The following CFAP61 variants were observed in gnomAD, a reference collection of about 807,000 sequenced individuals.
The protein encoded by CFAP61 is cilia- and flagella-associated protein 61.
In CFAP61, 107 loss-of-function variants were observed where a neutral mutation model predicts 135.6. The ratio of observed to expected loss-of-function variants is 0.79; its 90% CI spans 0.67 to 0.93. The LOEUF (loss-of-function observed/expected upper bound fraction) is 0.93. CFAP61 is among the 40% of genes least tolerant of loss of function. CFAP61 has a pLI of 0.00. For missense variants in CFAP61, 1,507 were observed against 1,556.2 expected, an observed-to-expected ratio of 0.97 and a Z score of 0.53; for synonymous variants, 575 against 578.5, an observed-to-expected ratio of 0.99 and a Z score of 0.09.
chr20:20,079,898 G>T (rs2146589379), intron 6 of CFAP61, among the ~76,000 whole-genome samples: 1 of 152,210 alleles, frequency 6.6e-6, no homozygotes, highest in African/African-American at 2.4e-5. Flanking sequence ...TTTATAAAGT[G>T]TCTCTTGTTA....
Position 20,072,091 on chromosome 20 carries a change from CTTTTTTTTTTTTTTTTTTTTTTTT to C in CFAP61, c.294+1105_294+1128del, listed in dbSNP as rs71198039. On this transcript the variant is annotated intron_variant, in intron 3 of 26. Transcript: ENST00000245957. ...CCTATTTGGTATCTAATCTAGCAAT[CTTTTTTTTTTTTTTTTTTTTTTTT>C]TTTTTTTTTTTTTTTTTGAGATGGA... 8.7e-4 allele frequency among the ~76,000 whole-genome samples: 50 copies of C among 57,606 alleles called. 1 individual carries two copies. The highest frequency in any genetic ancestry group is 4.9e-3 in the Admixed American group (19 of 3,900). The allele number at this position is 57,606 out of a possible 152,430, so 37.8% of individuals were successfully genotyped here.
intron 20 of CFAP61, among the ~76,000 whole-genome samples, chr20:20,257,266 A>G (rs2051688637): frequency 6.6e-6 from 1 of 152,230 alleles, no homozygotes; most frequent in African/African-American, 2.4e-5. Flanking sequence ...AGAAAAAATT[A>G]TCTTCCGTGT....
chr20:20,271,529 C>T (rs2053352453), intron 21 of CFAP61, among the ~76,000 whole-genome samples: 2 of 152,186 alleles, frequency 1.3e-5, no homozygotes, highest in South Asian at 4.1e-4. Context: ...GTTAGCAGTG[C>T]GAGAATGACT....
At chr20:20,274,623 T>C (rs866625469) in intron 21 of CFAP61, among the ~76,000 whole-genome samples, 1 of 152,040 alleles carries the variant, frequency 6.6e-6, no homozygotes, top group Admixed American at 6.5e-5. Flanking sequence ...ATCGCGCCAC[T>C]GCACTCCAGC....
At chr20:20,180,971 C>T (rs1182247083) in intron 13 of CFAP61, among the ~76,000 whole-genome samples, 2 of 151,612 alleles carry the variant, frequency 1.3e-5, no homozygotes, top group Non-Finnish European at 2.9e-5. Context: ...CACATGGACA[C>T]ATAGAGGGGA....
chr20:20,141,237 A>G (rs2051376677), intron 8 of CFAP61, among the ~76,000 whole-genome samples: 1 of 152,094 alleles, frequency 6.6e-6, no homozygotes, highest in African/African-American at 2.4e-5. Context: ...ATATATTTTT[A>G]TAGGCGTTGG....
chr20:20,347,205 G>A (rs1009319058), intron 26 of CFAP61, among the ~76,000 whole-genome samples: 1 of 152,102 alleles, frequency 6.6e-6, no homozygotes, highest in African/African-American at 2.4e-5. Context: ...ATAGATGAAT[G>A]AAAACTAAGA....
intron 25 of CFAP61, among the ~76,000 whole-genome samples, chr20:20,331,363 C>G (rs6046800): frequency 6.7e-6 from 1 of 149,756 alleles, no homozygotes; most frequent in East Asian, 1.9e-4. Flanking sequence ...CCCTGAAATC[C>G]TAAGAGTGAC....
chr20:20,353,998 T>C (rs903060304), intron 26 of CFAP61, among the ~76,000 whole-genome samples: 2 of 152,194 alleles, frequency 1.3e-5, no homozygotes, highest in Non-Finnish European at 2.9e-5. Flanking sequence ...ATGAAATCAA[T>C]GTATCAAAGA....
intron 25 of CFAP61, among the ~76,000 whole-genome samples, chr20:20,339,232 GA>G (rs1417034095): frequency 6.6e-6 from 1 of 152,084 alleles, no homozygotes; most frequent in Non-Finnish European, 1.5e-5. Flanking sequence ...TAAATTGGGG[GA>G]AAAAGTTAAT....
At chr20:20,268,613 CTA>C (rs905389828) in intron 21 of CFAP61, among the ~76,000 whole-genome samples, 1 of 152,170 alleles carries the variant, frequency 6.6e-6, no homozygotes, top group Non-Finnish European at 1.5e-5. Flanking sequence ...TTACCCTAAA[CTA>C]TTAGAACTGC....
intron 26 of CFAP61, among the ~76,000 whole-genome samples, chr20:20,342,250 T>C (rs1023219788): frequency 7.9e-5 from 12 of 152,368 alleles, no homozygotes; most frequent in Admixed American, 7.8e-4. Context: ...ATTCCTTTAG[T>C]TTCTGCCTGT....
intron 17 of CFAP61, among the ~76,000 whole-genome samples, chr20:20,213,279 A>C (rs1480310315): frequency 6.6e-6 from 1 of 152,212 alleles, no homozygotes; most frequent in Non-Finnish European, 1.5e-5. Flanking sequence ...GATGCAATTA[A>C]AACATGTCAA....
At chr20:20,344,943 T>C (rs1360708912) in intron 26 of CFAP61, among the ~76,000 whole-genome samples, 2 of 152,146 alleles carry the variant, frequency 1.3e-5, no homozygotes, top group African/African-American at 4.8e-5. Context: ...ATCCTGTCAT[T>C]TGCAACAACA....
chr20:20,228,219 T>C, intron 17 of CFAP61, 30 bp from the exon 18 acceptor site: 1 of 1,584,888 alleles, frequency 6.3e-7, no homozygotes. Flanking sequence ...TTTCTTTGAC[T>C]CCTTCTTTGT....
chr20:20,059,861 T>TA (rs1469149566), intron 2 of CFAP61, among the ~76,000 whole-genome samples: 1 of 152,104 alleles, frequency 6.6e-6, no homozygotes, highest in African/African-American at 2.4e-5. Context: ...CTAGTCTAGT[T>TA]AGACTTTTAG....
At chr20:20,090,408 CAG>C (rs2047095822) in intron 6 of CFAP61, among the ~76,000 whole-genome samples, 1 of 152,064 alleles carries the variant, frequency 6.6e-6, no homozygotes, top group Non-Finnish European at 1.5e-5. Flanking sequence ...AAGGAAAGTT[CAG>C]GCCAGGCGTG....
chr20:20,116,597 T>C (rs142282358), intron 8 of CFAP61, among the ~76,000 whole-genome samples: 585 of 152,302 alleles, frequency 3.8e-3, no homozygotes, highest in Non-Finnish European at 6.4e-3. Flanking sequence ...CCATTTTTAT[T>C]TTATTTTTGT....
intron 25 of CFAP61, among the ~76,000 whole-genome samples, chr20:20,328,263 T>C (rs1487896080): frequency 6.6e-6 from 1 of 152,158 alleles, no homozygotes; most frequent in African/African-American, 2.4e-5. Flanking sequence ...ATATGCTATA[T>C]GGGGAATGGA....
Sources: gnomAD v4.1 joint callset for allele counts (sites outside exome capture counted in the v4.1 genomes callset) on GRCh38, gnomAD v4.1.1 for gene constraint, MANE v1.5 for transcripts, NCBI Gene and HGNC (gene_info 2026-07-23, HGNC 2026-07-21) for gene names.